The following PDE4D variants were observed in gnomAD, a reference collection of about 807,000 sequenced individuals.
The protein encoded by PDE4D is phosphodiesterase 4D, also known as 3',5'-cyclic-AMP phosphodiesterase 4D.
PDE4D carries 24 observed loss-of-function variants against 87.4 expected under a neutral mutation model. The observed-to-expected ratio is 0.27, with a 90% CI of 0.20 to 0.39. PDE4D has a LOEUF of 0.39. PDE4D is among the 10% of genes least tolerant of loss of function. The pLI is 1.00. For missense variants in PDE4D, 714 were observed against 1,041.0 expected (o/e 0.69, Z 4.32); for synonymous variants, 384 against 383.2 (o/e 1.00, Z -0.02).
intron 2 of PDE4D, among the ~76,000 whole-genome samples, chr5:59,198,649 A>G (rs1438727960): frequency 6.6e-6 from 1 of 152,226 alleles, no homozygotes; most frequent in Non-Finnish European, 1.5e-5. Context: ...GCAGGAGAAT[A>G]CAGGGCTCAA....
intron 1 of PDE4D, among the ~76,000 whole-genome samples, chr5:59,395,008 A>C (rs1220178384): frequency 1.3e-5 from 2 of 152,188 alleles, no homozygotes; most frequent in Non-Finnish European, 2.9e-5. Flanking sequence ...CCACCCGAAT[A>C]CTGCGCTTTT....
chr5:59,079,832 A>AAGGAGGGGAG (rs777232084), intron 5 of PDE4D, among the ~76,000 whole-genome samples: 2 of 131,394 alleles, frequency 1.5e-5, no homozygotes, highest in Admixed American at 1.6e-4. Context: ...AAGGAAAGGA[A>AAGGAGGGGAG]AGGAGGGGAG....
chr5:60,227,180 T>A (rs1387813911), intron 1 of PDE4D, among the ~76,000 whole-genome samples: 2 of 152,086 alleles, frequency 1.3e-5, no homozygotes, highest in Non-Finnish European at 2.9e-5. Context: ...GTTTCTACAA[T>A]CAGAATTTAA....
At chr5:59,665,603 A>C (rs905055191) in intron 1 of PDE4D, among the ~76,000 whole-genome samples, 36 of 152,354 alleles carry the variant, frequency 2.4e-4, no homozygotes, top group African/African-American at 8.7e-4. Flanking sequence ...AGCATAACTT[A>C]GAGAGTACAA....
At chr5:59,722,207 A>G (rs7701748) in intron 1 of PDE4D, among the ~76,000 whole-genome samples, 86,312 of 152,186 alleles carry the variant, frequency 0.57, 25,036 homozygotes, top group African/African-American at 0.63. Context: ...AAGAAAGCAC[A>G]ACTTTAGGAC....
At chr5:59,225,670 TTC>T (rs58337838) in intron 1 of PDE4D, among the ~76,000 whole-genome samples, 17,975 of 151,964 alleles carry the variant, frequency 0.12, 1,612 homozygotes, top group African/African-American at 0.25. Flanking sequence ...AATAAAATGT[TTC>T]TGCACAGCAA....
intron 1 of PDE4D, among the ~76,000 whole-genome samples, chr5:59,517,266 C>G (rs1251404121): frequency 6.6e-6 from 1 of 152,192 alleles, no homozygotes. Context: ...CTTCTTTAAC[C>G]TTGCATAAAA....
In PDE4D at chr5:59,323,540, C is replaced by T. The variant is rs564118656; in HGVS notation, c.456-107572G>A. On this transcript the variant is annotated intron_variant, in intron 1 of 14. Transcript: ENST00000340635. ...ACTCAGTAAATGTCATTCCCATCCT[C>T]CTAGTTGTCCAAGCCAGAAATGTGA... Among the ~76,000 whole-genome samples, 7 of 152,192 alleles carry T rather than the reference C, an allele frequency of 4.6e-5. No individual in the cohort carries two copies. In the South Asian group the frequency reaches 1.2e-3, roughly 27 times the overall value.
At chr5:59,422,793 T>C (rs1169496832) in intron 1 of PDE4D, among the ~76,000 whole-genome samples, 1 of 152,214 alleles carries the variant, frequency 6.6e-6, no homozygotes, top group Non-Finnish European at 1.5e-5. Flanking sequence ...GGGTGATGGA[T>C]AAATGCTGAA....
chr5:60,157,423 TACAA>T (rs1282045294), intron 2 of PDE4D, among the ~76,000 whole-genome samples: 2 of 152,142 alleles, frequency 1.3e-5, no homozygotes, highest in Non-Finnish European at 2.9e-5. Flanking sequence ...GAAGACAGTC[TACAA>T]ACAAACTACT....
intron 1 of PDE4D, among the ~76,000 whole-genome samples, chr5:59,589,345 C>T (rs1245916991): frequency 6.6e-6 from 1 of 152,074 alleles, no homozygotes; most frequent in Non-Finnish European, 1.5e-5. Context: ...ATTTATTATG[C>T]CCATTTTGGA....
At position 59,142,094 on chromosome 5, in the gene PDE4D, C is replaced by T. The variant is rs7716117; in HGVS notation, c.808+38501G>A. Among the ~76,000 whole-genome samples, 530 of 152,112 alleles carry T rather than the reference C, an allele frequency of 3.5e-3. 1 individual carries two copies. The highest frequency in any genetic ancestry group is 0.012 in the African/African-American group (509 of 41,502). ...AATGAATGAATGAATGAATATTAGG[C>T]TGATAATAACTACAGGGAAAAAGAT... On this transcript the variant is annotated intron_variant, in intron 5 of 14. Coordinates refer to ENST00000340635, the MANE Select transcript of PDE4D (RefSeq NM_001104631.2).
intron 1 of PDE4D, among the ~76,000 whole-genome samples, chr5:60,496,404 T>A (rs1749816101): frequency 6.6e-6 from 1 of 152,160 alleles, no homozygotes; most frequent in Non-Finnish European, 1.5e-5. Flanking sequence ...CAGAAAACAA[T>A]GACTCAATAT....
chr5:60,133,445 C>T (rs1467624581), intron 2 of PDE4D, among the ~76,000 whole-genome samples: 4 of 152,056 alleles, frequency 2.6e-5, no homozygotes, highest in Non-Finnish European at 4.4e-5. Context: ...TCTCCTGCCT[C>T]AGCCTCCTGA....
At chr5:59,047,170 C>T (rs1760840145) in intron 5 of PDE4D, among the ~76,000 whole-genome samples, 1 of 152,180 alleles carries the variant, frequency 6.6e-6, no homozygotes, top group African/African-American at 2.4e-5. Context: ...TAAATGCAAA[C>T]ATTCTATTAA....
At chr5:60,354,338 CA>C in intron 1 of PDE4D, among the ~76,000 whole-genome samples, 1 of 152,302 alleles carries the variant, frequency 6.6e-6, no homozygotes, top group East Asian at 1.9e-4. Flanking sequence ...TGGCAAGGCA[CA>C]CTATCAAATA....
chr5:59,025,227 T>C (rs1362261151), intron 6 of PDE4D, among the ~76,000 whole-genome samples: 1 of 152,162 alleles, frequency 6.6e-6, no homozygotes, highest in Non-Finnish European at 1.5e-5. Context: ...CCTTCCAATT[T>C]TGAAATTTAT....
intron 1 of PDE4D, among the ~76,000 whole-genome samples, chr5:60,410,236 T>C (rs79886496): frequency 0.023 from 3,460 of 152,164 alleles, 120 homozygotes; most frequent in African/African-American, 0.08. Context: ...GGAGAGTCCA[T>C]CCAGAGGCAT....
At chr5:60,427,096 G>A (rs1743788045) in intron 1 of PDE4D, among the ~76,000 whole-genome samples, 1 of 152,140 alleles carries the variant, frequency 6.6e-6, no homozygotes, top group African/African-American at 2.4e-5. Flanking sequence ...TAACGTAAAT[G>A]TAATTGGAAT....
Sources: allele counts gnomAD v4.1 joint callset (sites outside exome capture counted in the v4.1 genomes callset), GRCh38; gene constraint gnomAD v4.1.1; transcripts MANE v1.5; gene names NCBI Gene and HGNC (gene_info 2026-07-23, HGNC 2026-07-21).